The following CCSER1 variants were observed in gnomAD, a reference collection of about 807,000 sequenced individuals.
CCSER1 encodes serine-rich coiled-coil domain-containing protein 1.
In CCSER1, 41 loss-of-function variants were observed where a neutral mutation model predicts 82.0. That is an observed-to-expected ratio of 0.50 (90% CI 0.39 to 0.65). The LOEUF (loss-of-function observed/expected upper bound fraction) is 0.65, where lower values mean the gene tolerates loss of function less well. Among genes scored for constraint, CCSER1 ranks in the 30% least tolerant of loss-of-function variants. CCSER1 has a pLI of 0.00. For missense variants in CCSER1, 1,119 were observed against 1,064.2 expected (o/e 1.05, Z -0.72); for synonymous variants, 414 against 383.9 (o/e 1.08, Z -0.92).
chr4:90,766,451 TTATTTA>T (rs555941211), intron 7 of CCSER1, among the ~76,000 whole-genome samples: 2 of 151,910 alleles, frequency 1.3e-5, no homozygotes, highest in Non-Finnish European at 2.9e-5. Flanking sequence ...TTTTAATATA[TTATTTA>T]TATTTAGTGA....
At chr4:90,839,052 A>G (rs1274238989) in intron 8 of CCSER1, 1 of 1,611,482 alleles carries the variant, frequency 6.2e-7, no homozygotes, top group Admixed American at 1.7e-5. Context: ...GCGGAGGAAA[A>G]GCGGAGCGAG....
At position 91,069,918 on chromosome 4, in the gene CCSER1, TA is replaced by T. The variant is rs1721247241; in HGVS notation, c.2173-16031del. ...TATTGTATATAATCATATATAATTTTACCATTTTAAATGTGTTGTTCTCAAT... is the reference window on the plus strand; with the variant it reads ...TATTGTATATAATCATATATAATTTTCCATTTTAAATGTGTTGTTCTCAAT... On this transcript the variant is annotated intron_variant, in intron 9 of 10. Transcript: ENST00000509176. Among the ~76,000 whole-genome samples, 3 of 152,202 alleles carry T rather than the reference TA, an allele frequency of 2.0e-5. No individual in the cohort carries two copies. In the South Asian group the frequency reaches 6.2e-4, roughly 31 times the overall value.
chr4:90,444,194 G>T (rs1007400216), intron 4 of CCSER1, among the ~76,000 whole-genome samples: 1 of 152,026 alleles, frequency 6.6e-6, no homozygotes, highest in South Asian at 2.1e-4. Flanking sequence ...TTGGCACACC[G>T]AGGTAAAATA....
chr4:91,206,166 AATAAG>A (rs1736327713), intron 10 of CCSER1, among the ~76,000 whole-genome samples: 1 of 151,930 alleles, frequency 6.6e-6, no homozygotes, highest in African/African-American at 2.4e-5. Flanking sequence ...CCATTGAATA[AATAAG>A]ATAATTTTTC....
chr4:90,607,105 A>G (rs1784826655), intron 5 of CCSER1, among the ~76,000 whole-genome samples: 1 of 152,158 alleles, frequency 6.6e-6, no homozygotes, highest in African/African-American at 2.4e-5. Context: ...GGTTTTAGTT[A>G]TGTATTTAGT....
chr4:91,250,236 G>A (rs1010251184), intron 10 of CCSER1, among the ~76,000 whole-genome samples: 1 of 151,216 alleles, frequency 6.6e-6, no homozygotes, highest in Non-Finnish European at 1.5e-5. Context: ...AAAAAAAAAT[G>A]CAAATTTCTT....
At chr4:90,848,732 A>G (rs1418131482) in intron 8 of CCSER1, among the ~76,000 whole-genome samples, 1 of 152,198 alleles carries the variant, frequency 6.6e-6, no homozygotes, top group Non-Finnish European at 1.5e-5. Context: ...CCCACGTATC[A>G]AGGACAGGAC....
intron 5 of CCSER1, among the ~76,000 whole-genome samples, chr4:90,592,058 A>T (rs1782773753): frequency 6.6e-6 from 1 of 152,076 alleles, no homozygotes; most frequent in Non-Finnish European, 1.5e-5. Flanking sequence ...GGGGACGGAG[A>T]GTGTTAGGAC....
At chr4:91,319,674 C>T (rs1160638131) in intron 10 of CCSER1, 1 of 455,832 alleles carries the variant, frequency 2.2e-6, no homozygotes, top group Non-Finnish European at 4.4e-6. Context: ...GTGATTCTCC[C>T]TTCTCCACTT....
chr4:90,778,479 A>G (rs1399678888), intron 7 of CCSER1, among the ~76,000 whole-genome samples: 3 of 151,916 alleles, frequency 2.0e-5, no homozygotes, highest in Admixed American at 6.6e-5. Context: ...AATTTATTGT[A>G]AATAAGTTTT....
chr4:91,571,194 A>G (rs987134290), intron 10 of CCSER1, among the ~76,000 whole-genome samples: 5 of 152,158 alleles, frequency 3.3e-5, no homozygotes, highest in African/African-American at 9.7e-5. Context: ...ACTTTGCCAC[A>G]TTTTCTCGTC....
intron 8 of CCSER1, among the ~76,000 whole-genome samples, chr4:90,863,130 C>T (rs1580825565): frequency 6.6e-6 from 1 of 151,502 alleles, no homozygotes; most frequent in East Asian, 2.0e-4. Context: ...TGATGTTCCC[C>T]TTCCTGTGTC....
In CCSER1 at chr4:91,238,770, T is replaced by C. The variant is rs150531193; in HGVS notation, c.2217+152776T>C. On this transcript the variant is annotated intron_variant, in intron 10 of 10. Coordinates refer to ENST00000509176, the MANE Select transcript of CCSER1 (RefSeq NM_001145065.2). Reference sequence around the variant, plus strand: ...ATCTATAGTTAGGTAGACCAGAAAATTCATAAAAACGGTTTGCATTTACTC... The same window carrying C: ...ATCTATAGTTAGGTAGACCAGAAAACTCATAAAAACGGTTTGCATTTACTC... Among the ~76,000 whole-genome samples the C allele has an allele frequency of 6.9e-4, 105 of 152,232 alleles. 3 individuals carry two copies. In the East Asian group the frequency reaches 0.018, roughly 27 times the overall value.
intron 10 of CCSER1, among the ~76,000 whole-genome samples, chr4:91,477,639 A>G (rs1757667631): frequency 6.6e-6 from 1 of 151,808 alleles, no homozygotes; most frequent in Non-Finnish European, 1.5e-5. Flanking sequence ...TTATAATGCT[A>G]AATAAATAAT....
intron 5 of CCSER1, among the ~76,000 whole-genome samples, chr4:90,540,721 GC>G (rs1422985490): frequency 6.6e-6 from 1 of 151,998 alleles, no homozygotes; most frequent in Admixed American, 6.6e-5. Flanking sequence ...TGGACTTTCA[GC>G]CAGACCTGGG....
chr4:90,656,811 T>A (rs1358512622), intron 6 of CCSER1, among the ~76,000 whole-genome samples: 1 of 152,042 alleles, frequency 6.6e-6, no homozygotes, highest in African/African-American at 2.4e-5. Context: ...AAATAAACTA[T>A]TCTTTTAGTG....
chr4:90,227,044 C>G lies in CCSER1; in HGVS notation c.-41-81200C>G, dbSNP rs184588886. ...CTTCTTACCCTCTTTTTTCCCCCCA[C>G]AAATGTCAGATCTGCCTTGTGGTCT... On this transcript the variant is annotated intron_variant, in intron 1 of 10. Coordinates refer to ENST00000509176, the MANE Select transcript of CCSER1 (RefSeq NM_001145065.2). Among the ~76,000 whole-genome samples the G allele has an allele frequency of 2.0e-5, 3 of 152,312 alleles. No homozygotes were observed. In the East Asian group the frequency reaches 5.8e-4, roughly 29 times the overall value.
intron 10 of CCSER1, among the ~76,000 whole-genome samples, chr4:91,139,426 A>G (rs953391735): frequency 1.3e-5 from 2 of 152,076 alleles, no homozygotes; most frequent in Non-Finnish European, 2.9e-5. Flanking sequence ...AATTTATAAA[A>G]GAATCATATT....
At chr4:91,484,713 TC>T in intron 10 of CCSER1, among the ~76,000 whole-genome samples, 1 of 152,204 alleles carries the variant, frequency 6.6e-6, no homozygotes, top group Non-Finnish European at 1.5e-5. Flanking sequence ...CAAAGTGTGA[TC>T]CCCAAAACAG....
Sources: allele counts gnomAD v4.1 joint callset (sites outside exome capture counted in the v4.1 genomes callset), GRCh38; gene constraint gnomAD v4.1.1; transcripts MANE v1.5; gene names NCBI Gene and HGNC (gene_info 2026-07-23, HGNC 2026-07-21).